The following ILDR2 variants were observed in gnomAD, a reference collection of about 807,000 sequenced individuals.
ILDR2 encodes immunoglobulin-like domain-containing receptor 2.
In ILDR2, 25 loss-of-function variants were observed where a neutral mutation model predicts 66.8. That is an observed-to-expected ratio of 0.37 (90% CI 0.27 to 0.52). The LOEUF is 0.52. Ranked by LOEUF, ILDR2 falls within the 20% of genes least tolerant of loss-of-function variation. The probability of loss-of-function intolerance (pLI) is 0.88; values close to 1 mark genes in which losing one functional copy is unlikely to be tolerated. For missense variants in ILDR2, 827 were observed against 876.8 expected (o/e 0.94, Z 0.72); for synonymous variants, 367 against 357.2 (o/e 1.03, Z -0.31).
intron 6 of ILDR2, among the ~76,000 whole-genome samples, chr1:166,928,530 A>T (rs1660440076): frequency 6.6e-6 from 1 of 152,224 alleles, no homozygotes; most frequent in South Asian, 2.1e-4. Flanking sequence ...CTAGTGACCT[A>T]ACTCCAGCAT....
rs558818658 is a variant in ILDR2 at position 166,958,901 on chromosome 1, C to G, written c.47-800G>C. 3.3e-5 allele frequency among the ~76,000 whole-genome samples: 5 copies of G among 152,308 alleles called. No homozygotes were observed. The East Asian group carries it at 7.7e-4, about 23-fold the overall frequency. ...TGTTATGGCTCTCTTTCTTAAGACCCTTCACTCATCCTCCATAGCCCTCAG... is the reference window on the plus strand; with the variant it reads ...TGTTATGGCTCTCTTTCTTAAGACCGTTCACTCATCCTCCATAGCCCTCAG... On this transcript the variant is annotated intron_variant, in intron 1 of 9. Transcript: ENST00000271417.
chr1:166,952,288 A>G (rs1191315631), intron 3 of ILDR2, among the ~76,000 whole-genome samples: 2 of 152,112 alleles, frequency 1.3e-5, no homozygotes, highest in Non-Finnish European at 2.9e-5. Context: ...AGATTTCTAG[A>G]CACTCCCATC....
intron 6 of ILDR2, among the ~76,000 whole-genome samples, 188 bp downstream of exon 6, chr1:166,935,113 G>T (rs1660867127): frequency 1.3e-5 from 2 of 152,220 alleles, no homozygotes; most frequent in Admixed American, 1.3e-4. Flanking sequence ...GGTCAGCAAT[G>T]TCCTGCAGCC....
intron 6 of ILDR2, chr1:166,933,611 GAGTA>G (rs1660766661): frequency 5.7e-6 from 5 of 874,188 alleles, no homozygotes; most frequent in South Asian, 5.3e-5. Context: ...AAATGACAGA[GAGTA>G]AGTATTTGCT....
chr1:166,957,878 G>A lies in ILDR2; in HGVS notation c.270C>T (p.Tyr90=), dbSNP rs1662374909. The A allele has an allele frequency of 1.9e-6, 3 of 1,614,044 alleles. No individual in the cohort carries two copies. Among genetic ancestry groups the A allele is most frequent in the African/African-American group, 1.3e-5 (1 of 74,914 alleles). Residue 90 remains tyrosine, a synonymous_variant, in exon 2 of 10, where the codon TAC becomes TAT. Transcript: ENST00000271417. ...LSKRNLEWDP[Y]LDCLDSRRTV... is the part of the protein sequence containing the mutation. ...TCCTCCTGCTGTCCAAACAATCCAA[G>A]TAGGGGTCCCATTCCAGGTTTCTCT...
intron 1 of ILDR2, among the ~76,000 whole-genome samples, chr1:166,960,325 A>G (rs775101724): frequency 1.3e-5 from 2 of 152,196 alleles, no homozygotes; most frequent in African/African-American, 2.4e-5. Context: ...GGCTATTAAT[A>G]TGGGAATTTC....
At chr1:166,962,658 G>C (rs868573372) in intron 1 of ILDR2, among the ~76,000 whole-genome samples, 10 of 152,058 alleles carry the variant, frequency 6.6e-5, no homozygotes, top group Non-Finnish European at 1.2e-4. Flanking sequence ...ATTCCCGAGA[G>C]GTCTGCCCTG....
chr1:166,932,392 A>AG (rs1660688848), intron 6 of ILDR2, among the ~76,000 whole-genome samples: 1 of 152,226 alleles, frequency 6.6e-6, no homozygotes, highest in Non-Finnish European at 1.5e-5. Context: ...GAAGAAGAGT[A>AG]AAGGGACAGG....
intron 2 of ILDR2, among the ~76,000 whole-genome samples, chr1:166,903,041 C>A (rs1659287639): frequency 6.6e-6 from 1 of 152,240 alleles, no homozygotes; most frequent in African/African-American, 2.4e-5. Flanking sequence ...CACACAAAAT[C>A]TGCATTCGCC....
intron 1 of ILDR2, among the ~76,000 whole-genome samples, chr1:166,971,364 G>T (rs1473494984): frequency 6.6e-6 from 1 of 152,232 alleles, no homozygotes; most frequent in African/African-American, 2.4e-5. Flanking sequence ...ACCAGTCCTG[G>T]TTTGGGTTGA....
rs1557921396 is a variant in ILDR2 at position 166,909,783 on chromosome 1, A to ATATG, written c.*9571_*9572insCATA. On this transcript the variant is annotated 3_prime_UTR_variant, in exon 10 of 10. Transcript: ENST00000271417. ...TAAATATATATAAATATATATATTT[A>ATATG]TATATATATATATATATATATATCC... 1.3e-5 allele frequency: 1 copy of ATATG among 79,438 alleles called. No homozygotes were observed. Among genetic ancestry groups the ATATG allele is most frequent in the Non-Finnish European group, 2.5e-5 (1 of 39,614 alleles). 4.9% of individuals were successfully genotyped at this position (79,438 alleles called of 1,614,324 possible).
Position 166,917,577 on chromosome 1 carries a change from T to TA in ILDR2, c.*1777dup, listed in dbSNP as rs1659691169. 1 of 152,220 alleles carries TA rather than the reference T, an allele frequency of 6.6e-6. No homozygotes were observed. The highest frequency in any genetic ancestry group is 6.5e-5 in the Admixed American group (1 of 15,290). 9.4% of individuals were successfully genotyped at this position (152,220 alleles called of 1,614,324 possible). On this transcript the variant is annotated 3_prime_UTR_variant, in exon 10 of 10. Coordinates refer to ENST00000271417, the MANE Select transcript of ILDR2 (RefSeq NM_199351.3). Reference sequence around the variant, plus strand: ...AAGAGTGCAGGGTGAAAAGCTTTGATAAAAATTTGTCAACAATAGTGGAGG... The same window carrying TA: ...AAGAGTGCAGGGTGAAAAGCTTTGATAAAAAATTTGTCAACAATAGTGGAGG...
chr1:166,973,234 CACAG>C (rs1377365205), intron 1 of ILDR2, among the ~76,000 whole-genome samples: 3 of 152,118 alleles, frequency 2.0e-5, no homozygotes, highest in African/African-American at 7.2e-5. Flanking sequence ...TGGCAGAAGG[CACAG>C]ACAAAGCCAT....
At chr1:166,925,362 T>G (rs1035503574) in intron 7 of ILDR2, among the ~76,000 whole-genome samples, 7 of 152,362 alleles carry the variant, frequency 4.6e-5, no homozygotes, top group African/African-American at 1.4e-4. Context: ...GTTGTTATAA[T>G]ATTAACTTGC....
intron 1 of ILDR2, among the ~76,000 whole-genome samples, chr1:166,963,077 T>G (rs1297908408): frequency 6.6e-6 from 1 of 152,210 alleles, no homozygotes; most frequent in Non-Finnish European, 1.5e-5. Flanking sequence ...CTTGCTCTTT[T>G]GCCAAAATAC....
chr1:166,946,279 GCCC>G, intron 3 of ILDR2, among the ~76,000 whole-genome samples: 1 of 152,068 alleles, frequency 6.6e-6, no homozygotes. Flanking sequence ...TGTGGATATA[GCCC>G]CCTTTTCTTT....
At chr1:166,932,595 G>C (rs1660700983) in intron 6 of ILDR2, among the ~76,000 whole-genome samples, 1 of 152,188 alleles carries the variant, frequency 6.6e-6, no homozygotes, top group Non-Finnish European at 1.5e-5. Context: ...GATGGATCCA[G>C]AGCAGCACAG....
chr1:166,956,916 A>G, intron 2 of ILDR2, 64 bp from the exon 3 acceptor site: 1 of 1,563,654 alleles, frequency 6.4e-7, no homozygotes, highest in Non-Finnish European at 8.7e-7. Flanking sequence ...AACACTAAAC[A>G]ATGGGGGTTG....
rs968412682 is a variant in ILDR2 at position 166,918,360 on chromosome 1, A to G, written c.*995T>C. 2.0e-5 allele frequency: 3 copies of G among 152,204 alleles called. No homozygotes were observed. The highest frequency in any genetic ancestry group is 2.0e-4 in the Admixed American group (3 of 15,284). The allele number at this position is 152,204 out of a possible 1,614,324, so 9.4% of individuals were successfully genotyped here. On this transcript the variant is annotated 3_prime_UTR_variant, in exon 10 of 10. Coordinates refer to ENST00000271417, the MANE Select transcript of ILDR2 (RefSeq NM_199351.3). The stretch of plus-strand genomic sequence containing the variant: ...AAGACTGAGTGAAGTTTGTGGGTGA[A>G]ATGGTCCACATTCAAAATATAATGA...
Sources: gnomAD v4.1 joint callset for allele counts (sites outside exome capture counted in the v4.1 genomes callset) on GRCh38, gnomAD v4.1.1 for gene constraint, MANE v1.5 for transcripts, NCBI Gene and HGNC (gene_info 2026-07-23, HGNC 2026-07-21) for gene names.